The following BBS2 variants were observed in gnomAD, a reference collection of about 807,000 sequenced individuals.
The protein encoded by BBS2 is BBSome complex member BBS2.
Under a neutral mutation model 83.0 loss-of-function variants are expected in BBS2, and 62 were observed. The ratio of observed to expected loss-of-function variants is 0.75; its 90% CI spans 0.61 to 0.92. The LOEUF (loss-of-function observed/expected upper bound fraction) is 0.92. BBS2 is among the 40% of genes least tolerant of loss of function. The probability of loss-of-function intolerance (pLI) is 0.00; values close to 1 mark genes in which losing one functional copy is unlikely to be tolerated. For missense variants in BBS2, 784 were observed against 901.0 expected, an observed-to-expected ratio of 0.87 and a Z score of 1.66; for synonymous variants, 303 against 326.1, an observed-to-expected ratio of 0.93 and a Z score of 0.76.
chr16:56,472,859 A>G (rs1448365005), intron 17 of BBS2, among the ~76,000 whole-genome samples: 1 of 152,162 alleles, frequency 6.6e-6, no homozygotes, highest in African/African-American at 2.4e-5. Context: ...CTTTATAACA[A>G]TAGAACAGGT....
downstream of BBS2, among the ~76,000 whole-genome samples, chr16:56,483,902 T>C (rs1963702900): frequency 6.6e-6 from 1 of 152,062 alleles, no homozygotes. Flanking sequence ...GGTTTCATCA[T>C]GTTGGCCAGG....
chr16:56,470,565 A>G (rs1963118670), exon 18 of BBS2: 1 of 1,614,176 alleles, frequency 6.2e-7, no homozygotes, highest in Non-Finnish European at 8.5e-7. Context: ...CTGAGGCACT[A>G]TTCTTGCTGC....
intron 15 of BBS2, among the ~76,000 whole-genome samples, chr16:56,494,684 CG>C (rs1392144191): frequency 3.3e-5 from 5 of 152,120 alleles, no homozygotes; most frequent in African/African-American, 1.2e-4. Flanking sequence ...CGTAAAAGGC[CG>C]GGCGCAGTAG....
In BBS2 at chr16:56,501,434, T is replaced by C; in HGVS notation, c.1144A>G (p.Arg382Gly). Residue 382 changes from arginine to glycine, a missense_variant, in exon 10 of 17, where the codon AGG becomes GGG. By Grantham distance (125) the Arg-to-Gly change is moderately radical. Transcript: ENST00000245157. ...GHRGIIPANT[R>G]LHTTLSVSLG... is the part of the protein sequence containing the mutation. ...CTGACTGAGAGCGTGGTGTGGAGCC[T>C]GGTATTGGCTGGGATTATGCCCCGA... is the stretch of plus-strand genomic sequence containing the variant. The C allele has an allele frequency of 6.2e-7, 1 of 1,614,146 alleles. No homozygotes were observed. Among genetic ancestry groups the C allele is most frequent in the Non-Finnish European group, 8.5e-7 (1 of 1,180,020 alleles).
chr16:56,501,548 A>G (rs1253895950), intron 9 of BBS2, 51 bp from the exon 10 acceptor site: 1 of 1,612,252 alleles, frequency 6.2e-7, no homozygotes, highest in Non-Finnish European at 8.5e-7. Context: ...CACTGAACTA[A>G]TATCAATTTT....
chr16:56,503,552 G>C (rs1964337746), intron 7 of BBS2, among the ~76,000 whole-genome samples: 1 of 152,068 alleles, frequency 6.6e-6, no homozygotes, highest in Non-Finnish European at 1.5e-5. Context: ...TTCCAAGAGA[G>C]AGAACAAATA....
intron 15 of BBS2, among the ~76,000 whole-genome samples, chr16:56,495,366 TACTCAC>T (rs1209146632): frequency 6.6e-6 from 1 of 152,144 alleles, no homozygotes; most frequent in Admixed American, 6.5e-5. Flanking sequence ...TAAACAACAC[TACTCAC>T]GAAGTATTCT....
At chr16:56,506,319 C>T (rs1272593961) in intron 5 of BBS2, 95 bp from the exon 6 acceptor site, 3 of 932,410 alleles carry the variant, frequency 3.2e-6, no homozygotes, top group African/African-American at 3.3e-5. Flanking sequence ...CTTGTTACAA[C>T]TATGTTAAAA....
intron 17 of BBS2, chr16:56,478,608 A>C (rs1327262375): frequency 6.6e-6 from 1 of 152,238 alleles, no homozygotes; most frequent in African/African-American, 2.4e-5. Flanking sequence ...ATGTGTGCCA[A>C]GCTTGGAAAA....
At chr16:56,493,873 G>C (rs1298753215) in intron 15 of BBS2, among the ~76,000 whole-genome samples, 1 of 152,148 alleles carries the variant, frequency 6.6e-6, no homozygotes, top group Non-Finnish European at 1.5e-5. Flanking sequence ...TCATATTGTT[G>C]ATAACAACTT....
At chr16:56,474,757 G>T in intron 17 of BBS2, 2 of 1,266,596 alleles carry the variant, frequency 1.6e-6, no homozygotes, top group South Asian at 2.8e-5. Context: ...TCCTAATTAT[G>T]ATTCCCTTGC....
intron 17 of BBS2, chr16:56,479,201 T>A (rs1963597692): frequency 6.6e-6 from 1 of 152,268 alleles, no homozygotes; most frequent in South Asian, 2.1e-4. Flanking sequence ...CCCGGCATAG[T>A]GGCTCACACC....
At chr16:56,491,073 A>AT (rs1313846033) in intron 15 of BBS2, among the ~76,000 whole-genome samples, 1 of 152,126 alleles carries the variant, frequency 6.6e-6, no homozygotes, top group Non-Finnish European at 1.5e-5. Context: ...TTAAAGCAAA[A>AT]TTTTTTAAAA....
At chr16:56,497,312 G>A (rs1964142488) in intron 14 of BBS2, 8 of 574,264 alleles carry the variant, frequency 1.4e-5, no homozygotes, top group South Asian at 1.2e-4. Flanking sequence ...TTAGCACCAG[G>A]AGCCCCCACA....
At chr16:56,483,574 T>G (rs1248833907), downstream of BBS2, among the ~76,000 whole-genome samples, 1 of 152,188 alleles carries the variant, frequency 6.6e-6, no homozygotes, top group African/African-American at 2.4e-5. Flanking sequence ...GATTTTGAGG[T>G]CTATTTGTTA....
At chr16:56,475,999 A>G (rs758775931) in intron 17 of BBS2, 2 of 1,532,892 alleles carry the variant, frequency 1.3e-6, no homozygotes, top group Non-Finnish European at 1.8e-6. Flanking sequence ...AAGATTTGAG[A>G]ATAAGTTCTG....
chr16:56,507,142 G>A, intron 5 of BBS2, among the ~76,000 whole-genome samples: 1 of 152,188 alleles, frequency 6.6e-6, no homozygotes, highest in Non-Finnish European at 1.5e-5. Flanking sequence ...CTGTTCAACT[G>A]CCAAATGAAT....
intron 15 of BBS2, among the ~76,000 whole-genome samples, chr16:56,488,493 C>G (rs1015946200): frequency 1.3e-5 from 2 of 152,176 alleles, no homozygotes; most frequent in Non-Finnish European, 2.9e-5. Flanking sequence ...AAGGATATTA[C>G]AAAGGATACA....
chr16:56,498,934 T>C, intron 12 of BBS2: 2 of 369,258 alleles, frequency 5.4e-6, no homozygotes, highest in Non-Finnish European at 1.0e-5. Context: ...CTTCTGTGGG[T>C]ATAACCTGGA....
Sources: gnomAD v4.1 joint callset for allele counts (sites outside exome capture counted in the v4.1 genomes callset) on GRCh38, gnomAD v4.1.1 for gene constraint, MANE v1.5 for transcripts, NCBI Gene and HGNC (gene_info 2026-07-23, HGNC 2026-07-21) for gene names.